AASS: variants seen among roughly 807,000 people sequenced by gnomAD.
AASS encodes aminoadipate-semialdehyde synthase.
In AASS, 86 loss-of-function variants were observed where a neutral mutation model predicts 105.4. The observed-to-expected ratio is 0.82, with a 90% CI of 0.69 to 0.98. The LOEUF is 0.98. AASS is among the 50% of genes least tolerant of loss of function. The pLI is 0.00. For synonymous variants in AASS, 381 were observed against 394.8 expected (o/e 0.96, Z 0.41); for missense variants, 1,048 against 1,143.2 (o/e 0.92, Z 1.20).
intron 11 of AASS, among the ~76,000 whole-genome samples, chr7:122,107,695 T>C (rs1794729292): frequency 6.6e-6 from 1 of 151,982 alleles, no homozygotes; most frequent in Admixed American, 6.6e-5. Context: ...AGGAGCTAAA[T>C]GATGAGGACA....
intron 2 of AASS, among the ~76,000 whole-genome samples, chr7:122,131,912 A>C (rs1054772644): frequency 1.3e-5 from 2 of 152,198 alleles, no homozygotes; most frequent in African/African-American, 4.8e-5. Flanking sequence ...GGAAGGACTC[A>C]CACTAACCAA....
intron 20 of AASS, among the ~76,000 whole-genome samples, chr7:122,080,882 G>C (rs1793283373): frequency 6.6e-6 from 1 of 152,050 alleles, no homozygotes; most frequent in African/African-American, 2.4e-5. Flanking sequence ...ATTTCTACTG[G>C]AATACAGGCA....
intron 19 of AASS, chr7:122,083,001 C>A: frequency 1.9e-6 from 1 of 539,132 alleles, no homozygotes; most frequent in Non-Finnish European, 3.2e-6. Context: ...GGTGAGAAGG[C>A]TAAGATAAGA....
rs1252598038 is a variant in AASS at position 122,098,764 on chromosome 7, G to A, written c.1509C>T (p.Gly503=). The A allele has an allele frequency of 1.2e-6, 2 of 1,603,990 alleles. No homozygotes were observed. Among genetic ancestry groups the A allele is most frequent in the Non-Finnish European group, 1.7e-6 (2 of 1,175,344 alleles). Residue 503 remains glycine (G), a synonymous_variant, in exon 14 of 24, where the codon GGC becomes GGT. Coordinates refer to ENST00000417368, the MANE Select transcript of AASS (RefSeq NM_005763.4). The stretch of plus-strand genomic sequence containing the variant: ...ATTTACCTACTGTTATTTCTATATT[G>A]CCATCTCTTGATAAATATTCTAATA... ...EPVLEYLSRD[G]NIEITVGSDM...
At chr7:122,110,048 A>T (rs1027634855) in intron 11 of AASS, among the ~76,000 whole-genome samples, 4 of 152,116 alleles carry the variant, frequency 2.6e-5, no homozygotes, top group African/African-American at 9.7e-5. Flanking sequence ...AAACACAGGA[A>T]AACAATTACC....
At chr7:122,114,054 A>G (rs1480396121) in intron 9 of AASS, among the ~76,000 whole-genome samples, 2 of 152,224 alleles carry the variant, frequency 1.3e-5, no homozygotes, top group African/African-American at 4.8e-5. Flanking sequence ...GAAAGGTTCA[A>G]TTATGCTACC....
At chr7:122,087,717 T>C (rs546173347) in intron 18 of AASS, among the ~76,000 whole-genome samples, 2 of 152,214 alleles carry the variant, frequency 1.3e-5, no homozygotes, top group African/African-American at 4.8e-5. Context: ...AAAGCAAACG[T>C]TGACTTTTAG....
chr7:122,097,174 C>T (rs550472328), intron 15 of AASS, among the ~76,000 whole-genome samples: 60 of 151,390 alleles, frequency 4.0e-4, no homozygotes, highest in Admixed American at 3.6e-3. Context: ...GTTTTCCAAG[C>T]CTGCTTTTTT....
chr7:122,095,175 C>T (rs1163670754), intron 15 of AASS, among the ~76,000 whole-genome samples: 3 of 151,846 alleles, frequency 2.0e-5, no homozygotes, highest in Non-Finnish European at 2.9e-5. Flanking sequence ...GAAGGGTCCA[C>T]GGAGGAGACA....
chr7:122,112,730 C>T (rs1325635840), intron 11 of AASS, among the ~76,000 whole-genome samples: 1 of 152,070 alleles, frequency 6.6e-6, no homozygotes, highest in Non-Finnish European at 1.5e-5. Flanking sequence ...GACCAGAACC[C>T]AATAAAAATG....
intron 20 of AASS, 125 bp downstream of exon 20, chr7:122,081,375 T>G (rs887191909): frequency 8.4e-6 from 7 of 828,944 alleles, no homozygotes; most frequent in Non-Finnish European, 1.5e-5. Flanking sequence ...GGAGTTAGGA[T>G]TTATCTTCCT....
intron 23 of AASS, 134 bp from the exon 24 acceptor site, chr7:122,076,741 G>A (rs1053252276): frequency 2.8e-6 from 2 of 711,436 alleles, no homozygotes; most frequent in Non-Finnish European, 5.1e-6. Context: ...TTAAGTAGCT[G>A]CTTAAAAACG....
At chr7:122,090,717 A>G (rs1449300479) in intron 18 of AASS, among the ~76,000 whole-genome samples, 1 of 152,114 alleles carries the variant, frequency 6.6e-6, no homozygotes, top group African/African-American at 2.4e-5. Context: ...TCTCCAAACT[A>G]TGAGCATAAA....
intron 15 of AASS, among the ~76,000 whole-genome samples, chr7:122,095,594 A>AG (rs1794114241): frequency 6.7e-6 from 1 of 148,944 alleles, no homozygotes; most frequent in Non-Finnish European, 1.5e-5. Flanking sequence ...AAAAAAAAAA[A>AG]CAATAAAACC....
rs767309187 is a variant in AASS at position 122,115,078 on chromosome 7, G to A, written c.1039C>T (p.His347Tyr). Reference protein sequence around the residue: ...AGVEGCPALPHKLVAICDISA... With the variant: ...AGVEGCPALPYKLVAICDISA... ...TTGCTGAAGTAGAGTCCTTACTTGT[G>A]TGGTAATGCAGGGCAGCCTTCCACA... The change falls in exon 9 of 24, where the codon CAC becomes TAC. Residue 347 changes from histidine to tyrosine, a missense_variant. Physicochemically the swap from His to Tyr is moderately conservative, Grantham distance 83 (BLOSUM62 2). Coordinates refer to ENST00000417368, the MANE Select transcript of AASS (RefSeq NM_005763.4). 1.2e-6 allele frequency: 2 copies of A among 1,614,142 alleles called. No homozygotes were observed. Among genetic ancestry groups the A allele is most frequent in the Non-Finnish European group, 1.7e-6 (2 of 1,180,010 alleles).
At chr7:122,118,909 G>T (rs73224327) in intron 4 of AASS, among the ~76,000 whole-genome samples, 1 of 151,962 alleles carries the variant, frequency 6.6e-6, no homozygotes, top group Non-Finnish European at 1.5e-5. Flanking sequence ...CCTTGGCTCC[G>T]GATCCCATCC....
chr7:122,133,751 C>G lies in AASS; in HGVS notation c.-15-10G>C, dbSNP rs1187106981. 1 of 1,610,226 alleles carries G rather than the reference C, an allele frequency of 6.2e-7. No individual in the cohort carries two copies. The highest frequency in any genetic ancestry group is 2.2e-5 in the East Asian group (1 of 44,858). ...TCTTGACACCTGGTGACTGTAAAGA[C>G]AATGTAAAGAGCAGAGCAACAAAAG... On this transcript the variant is annotated splice_polypyrimidine_tract_variant and intron_variant, in intron 1 of 23. Coordinates refer to ENST00000417368, the MANE Select transcript of AASS (RefSeq NM_005763.4).
At chr7:122,080,276 A>AG (rs1461700253) in intron 20 of AASS, among the ~76,000 whole-genome samples, 3 of 152,220 alleles carry the variant, frequency 2.0e-5, no homozygotes, top group Non-Finnish European at 4.4e-5. Flanking sequence ...GAGTCAACAA[A>AG]CTGGTTCACA....
At chr7:122,086,927 ATTTC>A (rs1323644901) in intron 18 of AASS, among the ~76,000 whole-genome samples, 1 of 152,148 alleles carries the variant, frequency 6.6e-6, no homozygotes, top group African/African-American at 2.4e-5. Flanking sequence ...GCAATGAAGG[ATTTC>A]TTTGTCTCTA....
Sources: allele counts gnomAD v4.1 joint callset (sites outside exome capture counted in the v4.1 genomes callset), GRCh38; gene constraint gnomAD v4.1.1; transcripts MANE v1.5; gene names NCBI Gene and HGNC (gene_info 2026-07-23, HGNC 2026-07-21).